The following THUMPD3 variants were observed in gnomAD, a reference collection of about 807,000 sequenced individuals.
The protein encoded by THUMPD3 is THUMP domain 3 tRNA guanosine methyltransferase, also known as tRNA (guanine(6)-N(2))-methyltransferase THUMP3.
A neutral mutation model predicts 54.5 loss-of-function variants in THUMPD3; 44 were observed. The ratio of observed to expected loss-of-function variants is 0.81; its 90% CI spans 0.63 to 1.04. THUMPD3 has a LOEUF of 1.04. THUMPD3 is among the 50% of genes least tolerant of loss of function. The pLI, the probability that THUMPD3 is intolerant of heterozygous loss-of-function variation, is 0.00. For synonymous variants in THUMPD3, 196 were observed against 201.4 expected (o/e 0.97, Z 0.23); for missense variants, 604 against 601.3 (o/e 1.00, Z -0.05).
At chr3:9,384,407 G>A (rs1425387057) in intron 9 of THUMPD3, 72 bp downstream of exon 9, 1 of 1,596,150 alleles carries the variant, frequency 6.3e-7, no homozygotes, top group Non-Finnish European at 8.5e-7. Context: ...GGGGATGTTT[G>A]TTTGGATAAG....
chr3:9,377,707 T>C (rs2032571716), intron 5 of THUMPD3, 112 bp from the exon 6 acceptor site: 1 of 731,578 alleles, frequency 1.4e-6, no homozygotes, highest in Non-Finnish European at 2.3e-6. Context: ...TGTAGATTGG[T>C]GTTCCTTCGG....
At chr3:9,367,677 T>G (rs1037691401) in intron 3 of THUMPD3, among the ~76,000 whole-genome samples, 6 of 152,214 alleles carry the variant, frequency 3.9e-5, no homozygotes, top group African/African-American at 1.4e-4. Flanking sequence ...TTTTATTTAT[T>G]GGCAAGCATG....
chr3:9,379,891 A>G (rs1313675822), intron 6 of THUMPD3, among the ~76,000 whole-genome samples: 1 of 151,946 alleles, frequency 6.6e-6, no homozygotes, highest in African/African-American at 2.4e-5. Context: ...GGCTTTCACC[A>G]TGTTCCCAGG....
rs2033284688 is a variant in THUMPD3 at position 9,385,695 on chromosome 3, C to T, written c.*1007C>T. 1 of 152,150 alleles carries T rather than the reference C, an allele frequency of 6.6e-6. No individual in the cohort carries two copies. Among genetic ancestry groups the T allele is most frequent in the African/African-American group, 2.4e-5 (1 of 41,434 alleles). 9.4% of individuals were successfully genotyped at this position (152,150 alleles called of 1,614,324 possible). ...AACCAAATTAAAAGAAATTGTTTTT[C>T]TTTCAGTACACTAAGGTGTGTGTTT... On this transcript the variant is annotated 3_prime_UTR_variant, in exon 10 of 10. Coordinates refer to ENST00000452837, the MANE Select transcript of THUMPD3 (RefSeq NM_001114092.2).
chr3:9,379,093 T>C (rs1395139714), intron 6 of THUMPD3, among the ~76,000 whole-genome samples: 2 of 151,926 alleles, frequency 1.3e-5, no homozygotes, highest in Admixed American at 6.6e-5. Context: ...ACAAGGTATA[T>C]ATAAAGATTT....
In THUMPD3 at chr3:9,385,812, T is replaced by C. The variant is rs1221258738; in HGVS notation, c.*1124T>C. 6.6e-6 allele frequency: 1 copy of C among 152,234 alleles called. No homozygotes were observed. Among genetic ancestry groups the C allele is most frequent in the Non-Finnish European group, 1.5e-5 (1 of 68,040 alleles). The allele number at this position is 152,234 out of a possible 1,614,324, so 9.4% of individuals were successfully genotyped here. ...AAATGATATATCTTTGGAAAACTTT[T>C]AATTTGGGAGTTATGTGAGTTGTTA... is the stretch of plus-strand genomic sequence containing the variant. On this transcript the variant is annotated 3_prime_UTR_variant, in exon 10 of 10. Coordinates refer to ENST00000452837, the MANE Select transcript of THUMPD3 (RefSeq NM_001114092.2).
Position 9,371,102 on chromosome 3 carries a change from C to G in THUMPD3, c.373C>G (p.Pro125Ala). Reference sequence around the variant, plus strand: ...TTTTGAAGACTTGGCTGGAAAACTCCCATGGTCAAACCCCTTAAAAGTGTG... The same window carrying G: ...TTTTGAAGACTTGGCTGGAAAACTCGCATGGTCAAACCCCTTAAAAGTGTG... Reference protein sequence around the residue: ...KDFEDLAGKLPWSNPLKVWKI... With the variant: ...KDFEDLAGKLAWSNPLKVWKI... Residue 125 changes from proline (P) to alanine (A), a missense_variant, in exon 4 of 10, where the codon CCA becomes GCA. Pro to Ala is a conservative substitution (Grantham distance 27). Coordinates refer to ENST00000452837, the MANE Select transcript of THUMPD3 (RefSeq NM_001114092.2). 1 of 1,581,812 alleles carries G rather than the reference C, an allele frequency of 6.3e-7. No homozygotes were observed. Among genetic ancestry groups the G allele is most frequent in the Non-Finnish European group, 8.5e-7 (1 of 1,171,216 alleles).
chr3:9,371,987 G>A (rs1250716789), intron 4 of THUMPD3, among the ~76,000 whole-genome samples: 1 of 152,016 alleles, frequency 6.6e-6, no homozygotes, highest in Non-Finnish European at 1.5e-5. Flanking sequence ...AGTGATTCTT[G>A]TGCTCAGCCT....
chr3:9,376,289 C>G (rs2032451601), intron 5 of THUMPD3, among the ~76,000 whole-genome samples: 1 of 152,180 alleles, frequency 6.6e-6, no homozygotes, highest in Non-Finnish European at 1.5e-5. Context: ...TCTTGGAAAA[C>G]CACCAGAAAT....
At chr3:9,368,688 A>G (rs1019378372) in intron 3 of THUMPD3, among the ~76,000 whole-genome samples, 1 of 152,146 alleles carries the variant, frequency 6.6e-6, no homozygotes, top group Non-Finnish European at 1.5e-5. Flanking sequence ...AAGTATGAAC[A>G]AATCTGTGAT....
chr3:9,370,745 C>T (rs2031969086), intron 3 of THUMPD3, among the ~76,000 whole-genome samples: 1 of 152,120 alleles, frequency 6.6e-6, no homozygotes, highest in Non-Finnish European at 1.5e-5. Context: ...CATATCCAGC[C>T]CAGACTTTTT....
rs1030923012 is a variant in THUMPD3, at chr3:9,380,528, T to C, written c.1034T>C (p.Phe345Ser). The change falls in exon 7 of 10, where the codon TTC becomes TCC. Residue 345 changes from phenylalanine (F) to serine (S), a missense_variant. Phe to Ser is a radical substitution (Grantham distance 155, BLOSUM62 -2). Transcript: ENST00000452837. ...IEGATEWSDC[F>S]HIAGDNNPLA... is the part of the protein sequence containing the mutation. ...GGGGCCACTGAATGGTCTGACTGTT[T>C]CCATATTGCTGGTGATAATAATCCA... 13 of 1,613,264 alleles carry C rather than the reference T, an allele frequency of 8.1e-6. No homozygotes were observed. Among genetic ancestry groups the C allele is most frequent in the Non-Finnish European group, 1.1e-5 (13 of 1,179,602 alleles).
Position 9,365,068 on chromosome 3 carries a change from C to G in THUMPD3, c.-1C>G. The G allele has an allele frequency of 6.2e-7, 1 of 1,613,396 alleles. No homozygotes were observed. The highest frequency in any genetic ancestry group is 8.5e-7 in the Non-Finnish European group (1 of 1,179,456). ...TTAGGGATCTTGGAAGCACAGCCAA[C>G]ATGTGTGACATTGAAGAAGCCACTA... On this transcript the variant is annotated 5_prime_UTR_variant, in exon 2 of 10. Transcript: ENST00000452837.
At chr3:9,375,539 G>A (rs1182852310) in intron 5 of THUMPD3, among the ~76,000 whole-genome samples, 1 of 152,164 alleles carries the variant, frequency 6.6e-6, no homozygotes, top group East Asian at 1.9e-4. Context: ...TTTGATGTGA[G>A]ACTTAAAGGA....
chr3:9,372,318 G>A (rs900913570), intron 4 of THUMPD3, among the ~76,000 whole-genome samples: 2 of 152,160 alleles, frequency 1.3e-5, no homozygotes, highest in African/African-American at 2.4e-5. Context: ...GCTCACGCCT[G>A]TAATCCCAGC....
chr3:9,371,026 GAAAT>G lies in THUMPD3; in HGVS notation c.331-33_331-30del, dbSNP rs763535082. 14 of 1,476,004 alleles carry G rather than the reference GAAAT, an allele frequency of 9.5e-6. No homozygotes were observed. In the East Asian group the frequency reaches 3.0e-4, roughly 31 times the overall value. The allele number at this position is 1,476,004 out of a possible 1,614,324, so 91.4% of individuals were successfully genotyped here. A position where few individuals can be genotyped will look rare whatever the true frequency, so the allele number is the denominator to read the frequency against. Reference sequence around the variant, plus strand: ...TTTATTTGTTTGATTATAGTGGTGAGAAATGAATGAATTTCTTTCTCTGTCCTTT... The same window carrying G: ...TTTATTTGTTTGATTATAGTGGTGAGGAATGAATTTCTTTCTCTGTCCTTT... On this transcript the variant is annotated intron_variant, in intron 3 of 9. Transcript: ENST00000452837.
chr3:9,371,516 A>C lies in THUMPD3; in HGVS notation c.787A>C (p.Met263Leu). 6.2e-7 allele frequency: 1 copy of C among 1,613,136 alleles called. No homozygotes were observed. Among genetic ancestry groups the C allele is most frequent in the Non-Finnish European group, 8.5e-7 (1 of 1,179,518 alleles). ...VQDYFKWKAD[M>L]TNFDVEVLLN... Reference sequence around the variant, plus strand: ...AGATTATTTTAAGTGGAAGGCCGACATGACCAACTTTGATGTGGAGGTAGG... The same window carrying C: ...AGATTATTTTAAGTGGAAGGCCGACCTGACCAACTTTGATGTGGAGGTAGG... The change falls in exon 4 of 10, where the codon ATG becomes CTG. Residue 263 changes from methionine to leucine, a missense_variant. Transcript: ENST00000452837.
intron 6 of THUMPD3, among the ~76,000 whole-genome samples, chr3:9,380,298 G>A (rs947766102): frequency 6.6e-6 from 1 of 152,124 alleles, no homozygotes; most frequent in Non-Finnish European, 1.5e-5. Context: ...AGGGCATGAG[G>A]TTTGAGCTGG....
At chr3:9,367,572 G>A (rs549825411) in intron 3 of THUMPD3, among the ~76,000 whole-genome samples, 1 of 152,284 alleles carries the variant, frequency 6.6e-6, no homozygotes, top group African/African-American at 2.4e-5. Context: ...TAGGTTTCTA[G>A]AGTTAACCGC....
Sources: gnomAD v4.1 joint callset for allele counts (sites outside exome capture counted in the v4.1 genomes callset) on GRCh38, gnomAD v4.1.1 for gene constraint, MANE v1.5 for transcripts, NCBI Gene and HGNC (gene_info 2026-07-23, HGNC 2026-07-21) for gene names.